CHL1: variants seen among roughly 807,000 people sequenced by gnomAD.
CHL1 encodes the protein neural cell adhesion molecule L1-like protein.
A neutral mutation model predicts 141.9 loss-of-function variants in CHL1; 96 were observed. That is an observed-to-expected ratio of 0.68 (90% CI 0.57 to 0.80). The LOEUF (loss-of-function observed/expected upper bound fraction) is 0.80. Among genes scored for constraint, CHL1 ranks in the 30% least tolerant of loss-of-function variants. CHL1 has a pLI of 0.00. For missense variants in CHL1, 1,820 were observed against 1,457.2 expected, an observed-to-expected ratio of 1.25 and a Z score of -4.05; for synonymous variants, 613 against 502.2, an observed-to-expected ratio of 1.22 and a Z score of -2.95.
chr3:355,177 G>A (rs544172035), intron 11 of CHL1, among the ~76,000 whole-genome samples: 10 of 152,150 alleles, frequency 6.6e-5, no homozygotes, highest in Non-Finnish European at 1.3e-4. Flanking sequence ...AGCAACACCT[G>A]TCCTGGGCTC....
At chr3:284,192 G>T (rs938801710) in intron 2 of CHL1, among the ~76,000 whole-genome samples, 1 of 152,160 alleles carries the variant, frequency 6.6e-6, no homozygotes, top group African/African-American at 2.4e-5. Context: ...TTACAATAAG[G>T]CAGGAAGTTA....
At chr3:297,392 G>A (rs1332738551) in intron 2 of CHL1, among the ~76,000 whole-genome samples, 3 of 152,076 alleles carry the variant, frequency 2.0e-5, no homozygotes, top group Admixed American at 6.5e-5. Context: ...TATTGCTGCA[G>A]TTGCTCTCTT....
chr3:388,124 A>T (rs1291400608), intron 19 of CHL1, among the ~76,000 whole-genome samples: 1 of 152,254 alleles, frequency 6.6e-6, no homozygotes, highest in Non-Finnish European at 1.5e-5. Context: ...TATATAACTG[A>T]TTCATTTCAA....
At chr3:240,210 A>T (rs915767088) in intron 1 of CHL1, among the ~76,000 whole-genome samples, 1 of 152,186 alleles carries the variant, frequency 6.6e-6, no homozygotes, top group Admixed American at 6.6e-5. Context: ...CATTCTCACC[A>T]GCAGTGTAGA....
At chr3:359,127 T>C (rs974469597) in intron 11 of CHL1, among the ~76,000 whole-genome samples, 1 of 151,550 alleles carries the variant, frequency 6.6e-6, no homozygotes, top group Non-Finnish European at 1.5e-5. Context: ...CCAAATGTTG[T>C]GGGATGTGTC....
intron 1 of CHL1, among the ~76,000 whole-genome samples, chr3:227,813 A>C (rs947792594): frequency 2.0e-5 from 3 of 152,118 alleles, no homozygotes; most frequent in Non-Finnish European, 4.4e-5. Flanking sequence ...CACTTCTGTT[A>C]GTGATTTTGT....
chr3:361,902 C>A, intron 13 of CHL1, 92 bp downstream of exon 13: 1 of 899,294 alleles, frequency 1.1e-6, no homozygotes, highest in Non-Finnish European at 1.8e-6. Context: ...TGTATTGTGT[C>A]TATATTGTTA....
At chr3:376,780 T>C (rs1706381230) in intron 15 of CHL1, among the ~76,000 whole-genome samples, 1 of 152,228 alleles carries the variant, frequency 6.6e-6, no homozygotes, top group Admixed American at 6.5e-5. Context: ...GACATGTTAA[T>C]TCATGTCAAA....
intron 2 of CHL1, among the ~76,000 whole-genome samples, chr3:279,475 C>G (rs1696445762): frequency 6.6e-6 from 1 of 152,188 alleles, no homozygotes; most frequent in South Asian, 2.1e-4. Flanking sequence ...ATTTAGCAGT[C>G]TTTTCCCTTT....
chr3:393,195 T>C (rs1435552952), intron 23 of CHL1, among the ~76,000 whole-genome samples: 1 of 126,224 alleles, frequency 7.9e-6, no homozygotes, highest in East Asian at 2.4e-4. Context: ...ATGGAGCCAC[T>C]GCACTCCAGC....
At chr3:340,141 C>T (rs185854283) in intron 5 of CHL1, among the ~76,000 whole-genome samples, 4 of 152,238 alleles carry the variant, frequency 2.6e-5, no homozygotes, top group African/African-American at 7.2e-5. Flanking sequence ...GAAATTGACT[C>T]CAGTGTGGGG....
At chr3:201,565 A>G (rs1698944933) in intron 1 of CHL1, among the ~76,000 whole-genome samples, 1 of 152,132 alleles carries the variant, frequency 6.6e-6, no homozygotes, top group Admixed American at 6.6e-5. Context: ...TAAGAATCAC[A>G]ACTAGAGTTT....
At position 394,857 on chromosome 3, in the gene CHL1, A is replaced by G; in HGVS notation, c.3079A>G (p.Thr1027Ala). The G allele has an allele frequency of 6.2e-7, 1 of 1,611,490 alleles. No individual in the cohort carries two copies. Among genetic ancestry groups the G allele is most frequent in the Non-Finnish European group, 8.5e-7 (1 of 1,179,244 alleles). Residue 1027 changes from threonine (T) to alanine (A), a missense_variant, in exon 24 of 28, where the codon ACC becomes GCC. By Grantham distance (58) the Thr-to-Ala change is moderately conservative. Coordinates refer to ENST00000256509, the MANE Select transcript of CHL1 (RefSeq NM_006614.4). ...CGKPITEESS[T>A]LGEGSKGIGK... ...AAAACCGATCACGGAGGAAAGCTCC[A>G]CCTTAGGAGAAGGGAGTAAGTACAT...
intron 18 of CHL1, 67 bp from the exon 19 acceptor site, chr3:383,749 A>G (rs1260752674): frequency 1.0e-6 from 1 of 1,001,896 alleles, no homozygotes; most frequent in Admixed American, 1.8e-5. Context: ...GGGGGGCAGG[A>G]GTTGTGATAT....
chr3:388,700 G>A (rs17838731), intron 19 of CHL1, among the ~76,000 whole-genome samples: 3 of 32,318 alleles, frequency 9.3e-5, no homozygotes, highest in African/African-American at 1.2e-4. Context: ...AGGAGCTACT[G>A]TTTTTTTGTA....
chr3:371,014 T>C (rs185597453), intron 15 of CHL1, among the ~76,000 whole-genome samples: 1 of 152,212 alleles, frequency 6.6e-6, no homozygotes, highest in Non-Finnish European at 1.5e-5. Context: ...AGGAGTGTTT[T>C]ACTTCAAATT....
chr3:360,622 G>T (rs988311387), intron 12 of CHL1, among the ~76,000 whole-genome samples, 198 bp downstream of exon 12: 23 of 150,936 alleles, frequency 1.5e-4, no homozygotes, highest in African/African-American at 4.7e-4. Flanking sequence ...TAAGTTTTAG[G>T]GTACATGTGC....
rs1707192862 is a variant in CHL1 at position 382,687 on chromosome 3, C to T, written c.2176+16C>T. The T allele has an allele frequency of 6.2e-7, 1 of 1,605,380 alleles. No homozygotes were observed. ...CCACCAGCAGGTATGCAGGTTCTCACATCAGGTTTCTAACAAAATATTTGT... is the reference window on the plus strand; with the variant it reads ...CCACCAGCAGGTATGCAGGTTCTCATATCAGGTTTCTAACAAAATATTTGT... On this transcript the variant is annotated intron_variant, in intron 18 of 27. Coordinates refer to ENST00000256509, the MANE Select transcript of CHL1 (RefSeq NM_006614.4).
chr3:348,263 A>T (rs1312362281), intron 9 of CHL1, among the ~76,000 whole-genome samples: 4 of 152,204 alleles, frequency 2.6e-5, no homozygotes, highest in African/African-American at 9.6e-5. Flanking sequence ...TTGGAGCTTC[A>T]GACTCCTTAC....
Sources: allele counts gnomAD v4.1 joint callset (sites outside exome capture counted in the v4.1 genomes callset), GRCh38; gene constraint gnomAD v4.1.1; transcripts MANE v1.5; gene names NCBI Gene and HGNC (gene_info 2026-07-23, HGNC 2026-07-21).